The following NR3C2 variants were observed in gnomAD, a reference collection of about 807,000 sequenced individuals.
The protein encoded by NR3C2 is mineralocorticoid receptor.
A neutral mutation model predicts 86.4 loss-of-function variants in NR3C2; 15 were observed. The ratio of observed to expected loss-of-function variants is 0.17; its 90% CI spans 0.12 to 0.27. The LOEUF (loss-of-function observed/expected upper bound fraction) is 0.27. Ranked by LOEUF, NR3C2 falls within the 10% of genes least tolerant of loss-of-function variation. The pLI is 1.00. For synonymous variants in NR3C2, 458 were observed against 450.5 expected (o/e 1.02, Z -0.21); for missense variants, 960 against 1,195.6 (o/e 0.80, Z 2.91).
chr4:148,286,995 T>G (rs1466131747), intron 2 of NR3C2, among the ~76,000 whole-genome samples: 1 of 152,170 alleles, frequency 6.6e-6, no homozygotes, highest in Non-Finnish European at 1.5e-5. Flanking sequence ...GAATACTAAT[T>G]TCAACTAATT....
At chr4:148,277,623 A>G (rs1741023137) in intron 2 of NR3C2, among the ~76,000 whole-genome samples, 1 of 152,232 alleles carries the variant, frequency 6.6e-6, no homozygotes, top group African/African-American at 2.4e-5. Context: ...AATTTTTAAA[A>G]TAAACAAAAA....
intron 2 of NR3C2, among the ~76,000 whole-genome samples, chr4:148,420,407 C>CTGG (rs1274369834): frequency 6.6e-6 from 1 of 152,164 alleles, no homozygotes; most frequent in African/African-American, 2.4e-5. Context: ...AGAGTACTGA[C>CTGG]TAATCATATT....
chr4:148,425,181 T>C (rs927622184), intron 2 of NR3C2, among the ~76,000 whole-genome samples: 5 of 152,204 alleles, frequency 3.3e-5, no homozygotes, highest in African/African-American at 4.8e-5. Context: ...CCCCCTCTGC[T>C]AGTCAATCCA....
rs781153987 is a variant in NR3C2 at position 148,080,626 on chromosome 4, ATACAG to A, written c.*713_*717del. On this transcript the variant is annotated 3_prime_UTR_variant, in exon 9 of 9. Coordinates refer to ENST00000358102, the MANE Select transcript of NR3C2 (RefSeq NM_000901.5). ...ATTTCAGGTCCTTCATAATTTATACATACAGTAATGTACAGCACAGCAAAAGACTG... is the reference window on the plus strand; with the variant it reads ...ATTTCAGGTCCTTCATAATTTATACATAATGTACAGCACAGCAAAAGACTG... 34 of 166,334 alleles carry A rather than the reference ATACAG, an allele frequency of 2.0e-4. No individual in the cohort carries two copies. Among genetic ancestry groups the A allele is most frequent in the Non-Finnish European group, 3.8e-4 (28 of 73,774 alleles). The allele number at this position is 166,334 out of a possible 1,614,324, so 10.3% of individuals were successfully genotyped here.
intron 2 of NR3C2, among the ~76,000 whole-genome samples, chr4:148,300,151 G>T (rs565020819): frequency 6.6e-6 from 1 of 152,188 alleles, no homozygotes; most frequent in Admixed American, 6.5e-5. Flanking sequence ...CTTGTTTTAC[G>T]TCCTTGGAAG....
At chr4:148,429,203 C>T (rs1475095726) in intron 2 of NR3C2, among the ~76,000 whole-genome samples, 2 of 152,146 alleles carry the variant, frequency 1.3e-5, no homozygotes, top group Non-Finnish European at 2.9e-5. Flanking sequence ...CCTCTCCCTG[C>T]CAGAATATCT....
chr4:148,310,915 A>G (rs1443945770), intron 2 of NR3C2, among the ~76,000 whole-genome samples: 1 of 152,124 alleles, frequency 6.6e-6, no homozygotes, highest in African/African-American at 2.4e-5. Context: ...CTCCCTGCAC[A>G]TGGTCAGCCA....
intron 2 of NR3C2, among the ~76,000 whole-genome samples, chr4:148,283,451 G>A (rs1255832834): frequency 1.3e-5 from 2 of 152,070 alleles, no homozygotes; most frequent in Admixed American, 6.6e-5. Flanking sequence ...CAAGAGCAAT[G>A]GTGACCCCAA....
At chr4:148,272,949 C>T (rs955802651) in intron 2 of NR3C2, among the ~76,000 whole-genome samples, 1 of 152,098 alleles carries the variant, frequency 6.6e-6, no homozygotes, top group South Asian at 2.1e-4. Context: ...CTGTTTCTTT[C>T]GTTTTAACTG....
At chr4:148,336,702 T>C (rs1744506471) in intron 2 of NR3C2, among the ~76,000 whole-genome samples, 1 of 152,204 alleles carries the variant, frequency 6.6e-6, no homozygotes, top group South Asian at 2.1e-4. Context: ...AGTACAGGTA[T>C]CTTACATAGC....
chr4:148,422,881 A>G (rs1382587041), intron 2 of NR3C2, among the ~76,000 whole-genome samples: 1 of 152,138 alleles, frequency 6.6e-6, no homozygotes, highest in African/African-American at 2.4e-5. Context: ...CTTCTCTTAC[A>G]TTAGAGCCAT....
At chr4:148,220,001 C>T (rs184055477) in intron 3 of NR3C2, among the ~76,000 whole-genome samples, 1 of 152,144 alleles carries the variant, frequency 6.6e-6, no homozygotes, top group Non-Finnish European at 1.5e-5. Context: ...TAGCTCACTG[C>T]AGCCTCAACT....
intron 6 of NR3C2, among the ~76,000 whole-genome samples, chr4:148,128,289 G>C (rs1344578415): frequency 6.6e-6 from 1 of 152,210 alleles, no homozygotes; most frequent in African/African-American, 2.4e-5. Flanking sequence ...GCCAATGGCT[G>C]TCAGAAGGAA....
chr4:148,253,740 A>G (rs1739688165), intron 3 of NR3C2, among the ~76,000 whole-genome samples: 6 of 152,034 alleles, frequency 3.9e-5, no homozygotes, highest in Admixed American at 3.9e-4. Flanking sequence ...TTTTTCCCCC[A>G]TAGCCAATCA....
At chr4:148,335,559 C>T (rs1399188145) in intron 2 of NR3C2, among the ~76,000 whole-genome samples, 1 of 152,060 alleles carries the variant, frequency 6.6e-6, no homozygotes, top group Admixed American at 6.5e-5. Context: ...CTTCAGAGTG[C>T]CCAATGTGTT....
chr4:148,093,664 A>C (rs1731155211), intron 8 of NR3C2, among the ~76,000 whole-genome samples: 1 of 152,232 alleles, frequency 6.6e-6, no homozygotes, highest in Non-Finnish European at 1.5e-5. Context: ...TAGTAGTTTC[A>C]CTGGACACAA....
intron 4 of NR3C2, among the ~76,000 whole-genome samples, chr4:148,165,016 G>A (rs1333429711): frequency 6.6e-6 from 1 of 152,090 alleles, no homozygotes; most frequent in African/African-American, 2.4e-5. Flanking sequence ...TCCACATCAA[G>A]CAAATATGAT....
At chr4:148,391,740 G>A (rs1186408932) in intron 2 of NR3C2, among the ~76,000 whole-genome samples, 4 of 151,894 alleles carry the variant, frequency 2.6e-5, no homozygotes, top group East Asian at 1.9e-4. Context: ...GGTGATGCAC[G>A]CCTGTAATCC....
At chr4:148,120,526 G>A (rs1199409800) in intron 6 of NR3C2, among the ~76,000 whole-genome samples, 1 of 152,206 alleles carries the variant, frequency 6.6e-6, no homozygotes, top group Non-Finnish European at 1.5e-5. Context: ...CAGGAGCACT[G>A]AAACCAACCC....
Sources: gnomAD v4.1 joint callset for allele counts (sites outside exome capture counted in the v4.1 genomes callset) on GRCh38, gnomAD v4.1.1 for gene constraint, MANE v1.5 for transcripts, NCBI Gene and HGNC (gene_info 2026-07-23, HGNC 2026-07-21) for gene names.